NEMF: variants seen among roughly 807,000 people sequenced by gnomAD.
The protein encoded by NEMF is nuclear export mediator factor, also known as ribosome quality control complex subunit NEMF.
In NEMF, 89 loss-of-function variants were observed where a neutral mutation model predicts 162.2. The ratio of observed to expected loss-of-function variants is 0.55; its 90% CI spans 0.46 to 0.65. The LOEUF (loss-of-function observed/expected upper bound fraction) is 0.65. Among genes scored for constraint, NEMF ranks in the 30% least tolerant of loss-of-function variants. The pLI, the probability that NEMF is intolerant of heterozygous loss-of-function variation, is 0.00. For missense variants in NEMF, 1,133 were observed against 1,261.9 expected, an observed-to-expected ratio of 0.90 and a Z score of 1.55; for synonymous variants, 421 against 404.5, an observed-to-expected ratio of 1.04 and a Z score of -0.49.
At chr14:49,825,686 T>C (rs750318970) in intron 16 of NEMF, among the ~76,000 whole-genome samples, 181 bp downstream of exon 16, 4 of 152,224 alleles carry the variant, frequency 2.6e-5, no homozygotes, top group African/African-American at 9.6e-5. Context: ...CAGTGAGCCA[T>C]GTTCATGCCA....
intron 28 of NEMF, among the ~76,000 whole-genome samples, chr14:49,788,766 C>T (rs1890305960): frequency 6.6e-6 from 1 of 152,040 alleles, no homozygotes; most frequent in South Asian, 2.1e-4. Context: ...ACCACGTTAG[C>T]CAGCATGGTC....
intron 22 of NEMF, chr14:49,801,135 G>C (rs1043189213): frequency 6.2e-6 from 1 of 160,194 alleles, no homozygotes; most frequent in Non-Finnish European, 1.4e-5. Context: ...AGGGTCTACT[G>C]CCTCACCTGT....
chr14:49,824,695 C>G (rs932567409), intron 16 of NEMF, among the ~76,000 whole-genome samples: 1 of 151,996 alleles, frequency 6.6e-6, no homozygotes, highest in African/African-American at 2.4e-5. Flanking sequence ...TCCCAGAGTG[C>G]TGAGATTACA....
chr14:49,847,664 G>A (rs947649696), intron 3 of NEMF, among the ~76,000 whole-genome samples: 6 of 151,174 alleles, frequency 4.0e-5, no homozygotes, highest in Non-Finnish European at 8.8e-5. Context: ...ATGGTATCCT[G>A]TAAATAGTCC....
chr14:49,852,653 C>A (rs189317325), intron 1 of NEMF, 42 bp downstream of exon 1: 2 of 1,608,294 alleles, frequency 1.2e-6, no homozygotes, highest in Admixed American at 3.3e-5. Context: ...GCCTCTGCCT[C>A]CTGCACTCCC....
At chr14:49,819,180 A>C (rs766696446) in intron 16 of NEMF, among the ~76,000 whole-genome samples, 4 of 152,170 alleles carry the variant, frequency 2.6e-5, no homozygotes, top group Non-Finnish European at 4.4e-5. Context: ...AAGTTACAGT[A>C]ACATGAGTAA....
At chr14:49,852,621 C>G (rs1262604160) in intron 1 of NEMF, 74 bp downstream of exon 1, 1 of 1,499,268 alleles carries the variant, frequency 6.7e-7, no homozygotes, top group Non-Finnish European at 9.3e-7. Context: ...TCAAGCTGGT[C>G]TGTTTGCGCC....
intron 19 of NEMF, 131 bp downstream of exon 19, chr14:49,805,890 G>T: frequency 2.0e-6 from 1 of 505,208 alleles, no homozygotes; most frequent in Non-Finnish European, 3.6e-6. Flanking sequence ...CTGACATTAT[G>T]TACATATTTT....
At position 49,828,782 on chromosome 14, in the gene NEMF, C is replaced by T. The variant is rs148555859; in HGVS notation, c.1258G>A (p.Glu420Lys). Residue 420 changes from glutamate (E) to lysine (K), a missense_variant, in exon 14 of 33, where the codon GAA becomes AAA. This residue lies in a region of NEMF where 582 missense variants were observed against 631.5 expected (regional missense o/e 0.92). Coordinates refer to ENST00000298310, the MANE Select transcript of NEMF (RefSeq NM_004713.6). ...ACGTCACCATCAACATCATCATCTT[C>T]CTCCTCTGATAACAAGTATGGATTT... ...LRNPYLLSEE[E>K]DDDVDGDVNV... 1.9e-6 allele frequency: 3 copies of T among 1,550,858 alleles called. No individual in the cohort carries two copies. Among genetic ancestry groups the T allele is most frequent in the African/African-American group, 1.4e-5 (1 of 72,386 alleles).
intron 7 of NEMF, chr14:49,834,081 G>C (rs1376346343): frequency 1.9e-6 from 1 of 519,732 alleles, no homozygotes; most frequent in Non-Finnish European, 3.7e-6. Context: ...TTTGAGAGTG[G>C]TGATACTTGT....
At chr14:49,820,384 G>C (rs969803904) in intron 16 of NEMF, 1 of 456,202 alleles carries the variant, frequency 2.2e-6, no homozygotes, top group Admixed American at 2.4e-5. Context: ...CCTCAAACCT[G>C]TCAGCACTTA....
chr14:49,809,084 A>G (rs1178459841), intron 18 of NEMF, among the ~76,000 whole-genome samples: 3 of 152,188 alleles, frequency 2.0e-5, no homozygotes. Context: ...TGGTGATGTA[A>G]AAGGGTACAG....
intron 5 of NEMF, among the ~76,000 whole-genome samples, chr14:49,839,078 T>TA (rs1192187851): frequency 1.3e-5 from 2 of 150,698 alleles, no homozygotes; most frequent in African/African-American, 2.4e-5. Context: ...TTTTTTTTTT[T>TA]TTATTTTTTT....
intron 11 of NEMF, 76 bp from the exon 12 acceptor site, chr14:49,829,502 C>G (rs1892534130): frequency 8.5e-7 from 1 of 1,171,092 alleles, no homozygotes; most frequent in Admixed American, 2.0e-5. Context: ...CTTCCCAACA[C>G]TCACTATCCT....
At chr14:49,845,814 C>T (rs983333016) in intron 4 of NEMF, among the ~76,000 whole-genome samples, 3 of 152,152 alleles carry the variant, frequency 2.0e-5, no homozygotes, top group African/African-American at 7.2e-5. Flanking sequence ...ATACATACAG[C>T]GCATCAGTGC....
intron 21 of NEMF, 35 bp from the exon 22 acceptor site, chr14:49,802,608 C>T (rs370325483): frequency 3.7e-6 from 6 of 1,611,590 alleles, no homozygotes; most frequent in Admixed American, 3.4e-5. Flanking sequence ...GACGGAGCTT[C>T]AGACAAGACT....
At chr14:49,826,355 T>C (rs969783370) in intron 15 of NEMF, among the ~76,000 whole-genome samples, 1 of 152,062 alleles carries the variant, frequency 6.6e-6, no homozygotes, top group Non-Finnish European at 1.5e-5. Context: ...CTATTAATCA[T>C]ATAATCCTTT....
At chr14:49,797,386 C>A (rs1433127531) in intron 25 of NEMF, 1 of 151,518 alleles carries the variant, frequency 6.6e-6, no homozygotes, top group Non-Finnish European at 1.5e-5. Context: ...TAATCCAGCA[C>A]TTTGGGAGGC....
chr14:49,828,426 G>C (rs1594781721), intron 14 of NEMF, 72 bp from the exon 15 acceptor site: 1 of 1,070,860 alleles, frequency 9.3e-7, no homozygotes. Context: ...GTTCTAACTT[G>C]ACAAATTCTC....
Sources: gnomAD v4.1 joint callset for allele counts (sites outside exome capture counted in the v4.1 genomes callset) on GRCh38, gnomAD v4.1.1 for gene constraint, gnomAD v4.1.1 regional missense constraint, MANE v1.5 for transcripts, NCBI Gene and HGNC (gene_info 2026-07-23, HGNC 2026-07-21) for gene names.